Variants in HLCS observed in about 807,000 individuals in gnomAD.
The protein encoded by HLCS is biotin--protein ligase.
In HLCS, 53 loss-of-function variants were observed where a neutral mutation model predicts 75.0. The ratio of observed to expected loss-of-function variants is 0.71; its 90% CI spans 0.57 to 0.89. The LOEUF (loss-of-function observed/expected upper bound fraction) is 0.89, where lower values mean the gene tolerates loss of function less well. Ranked by LOEUF, HLCS falls within the 40% of genes least tolerant of loss-of-function variation. HLCS has a pLI of 0.00. For missense variants in HLCS, 966 were observed against 1,074.0 expected (o/e 0.90, Z 1.41); for synonymous variants, 431 against 428.6 (o/e 1.01, Z -0.07).
chr21:36,803,750 T>C (rs1440355388), intron 6 of HLCS, among the ~76,000 whole-genome samples: 1 of 40,738 alleles, frequency 2.5e-5, no homozygotes, highest in Non-Finnish European at 4.5e-5. Flanking sequence ...TTTGTTTTTT[T>C]ATTGAAAAAA....
intron 6 of HLCS, among the ~76,000 whole-genome samples, chr21:36,793,588 C>T (rs2060938676): frequency 6.6e-6 from 1 of 152,122 alleles, no homozygotes; most frequent in South Asian, 2.1e-4. Flanking sequence ...GTGTGAGCCA[C>T]CGCGCCCAGC....
chr21:36,903,596 A>G (rs569378515), intron 5 of HLCS, among the ~76,000 whole-genome samples: 1 of 152,364 alleles, frequency 6.6e-6, no homozygotes, highest in South Asian at 2.1e-4. Context: ...CCAGGATAAA[A>G]TGAAAAAGAA....
chr21:36,907,395 C>T (rs1002313732), intron 5 of HLCS, among the ~76,000 whole-genome samples: 1 of 152,148 alleles, frequency 6.6e-6, no homozygotes, highest in African/African-American at 2.4e-5. Flanking sequence ...GTAGCCCACA[C>T]CTGTAATCCC....
At chr21:36,864,294 G>A (rs984808419) in intron 6 of HLCS, among the ~76,000 whole-genome samples, 1 of 152,022 alleles carries the variant, frequency 6.6e-6, no homozygotes, top group Non-Finnish European at 1.5e-5. Context: ...CAGCTACTTG[G>A]GAGGCTGAGG....
chr21:36,754,269 G>A lies in HLCS; in HGVS notation c.2599C>T (p.Leu867Phe). ...CATTACCGCCGTTTGGGGAGGATGA[G>A]GTTTCTCAGCATGTCGAAGGAGTTG... ...DGNSFDMLRN[L>F]ILPKRR The change falls in exon 11 of 11, where the codon CTC becomes TTC. Residue 867 changes from leucine to phenylalanine, a missense_variant. Physicochemically the swap from Leu to Phe is conservative, Grantham distance 22. Coordinates refer to ENST00000674895, the MANE Select transcript of HLCS (RefSeq NM_001352514.2). 6.2e-7 allele frequency: 1 copy of A among 1,614,106 alleles called. No individual in the cohort carries two copies. Among genetic ancestry groups the A allele is most frequent in the East Asian group, 2.2e-5 (1 of 44,880 alleles).
chr21:36,987,261 T>A (rs1233311642), intron 1 of HLCS, among the ~76,000 whole-genome samples: 1 of 152,120 alleles, frequency 6.6e-6, no homozygotes, highest in Non-Finnish European at 1.5e-5. Flanking sequence ...CATTGCTACT[T>A]GGGTGGCCCT....
chr21:36,966,723 G>A (rs184468430), upstream of HLCS: 274,235 of 624,758 alleles, frequency 0.44, 62,539 homozygotes, highest in South Asian at 0.55. Context: ...GAAGGGCCGC[G>A]CCGCCCCCCC....
chr21:36,882,783 A>G (rs1018553621), intron 6 of HLCS, among the ~76,000 whole-genome samples: 37 of 151,666 alleles, frequency 2.4e-4, no homozygotes, highest in African/African-American at 7.3e-4. Context: ...TTTGTATTTC[A>G]TTTTTAGGTA....
At chr21:36,882,834 T>G (rs1164034445) in intron 6 of HLCS, among the ~76,000 whole-genome samples, 1 of 152,092 alleles carries the variant, frequency 6.6e-6, no homozygotes, top group African/African-American at 2.4e-5. Context: ...AACTGAAAAC[T>G]CTATTAGCAT....
chr21:36,942,398 C>CAAAAAAAAAAAAAAAAAAA (rs55999516), intron 2 of HLCS, among the ~76,000 whole-genome samples: 1 of 80,974 alleles, frequency 1.2e-5, no homozygotes, highest in Admixed American at 1.3e-4. Flanking sequence ...GACTCCGTCT[C>CAAAAAAAAAAAAAAAAAAA]AAAAAAAAAA....
At chr21:36,800,200 G>A (rs2145915525) in intron 6 of HLCS, among the ~76,000 whole-genome samples, 1 of 152,262 alleles carries the variant, frequency 6.6e-6, no homozygotes. Flanking sequence ...AGAGCCTGAG[G>A]GATGAGGCAC....
chr21:36,779,425 A>G (rs1475860499), intron 6 of HLCS, among the ~76,000 whole-genome samples: 1 of 152,044 alleles, frequency 6.6e-6, no homozygotes, highest in Non-Finnish European at 1.5e-5. Context: ...AGTTCATCAT[A>G]AACTCCAATC....
chr21:36,926,854 T>G (rs560335884), intron 5 of HLCS, among the ~76,000 whole-genome samples: 1 of 150,864 alleles, frequency 6.6e-6, no homozygotes, highest in Admixed American at 6.7e-5. Context: ...GCAATCCTCC[T>G]GCCTCAGCCT....
At position 36,767,267 on chromosome 21, in the gene HLCS, C is replaced by A; in HGVS notation, c.1911G>T (p.Pro637=). The A allele has an allele frequency of 6.2e-7, 1 of 1,614,160 alleles. No individual in the cohort carries two copies. The highest frequency in any genetic ancestry group is 1.1e-5 in the South Asian group (1 of 91,080). Residue 637 remains proline, a synonymous_variant, in exon 7 of 11, where the codon CCG becomes CCT. Coordinates refer to ENST00000674895, the MANE Select transcript of HLCS (RefSeq NM_001352514.2). ...CGATCACTATTAAGCCCATTTCCTG[C>A]GGTGTCTGAAACATCAGCCTGCCGA... The part of the protein sequence containing the change: ...RLLDGLMFQT[P]QEMGLIVIAA...
intron 1 of HLCS, among the ~76,000 whole-genome samples, chr21:36,989,354 G>A (rs77155125): frequency 0.016 from 1,967 of 123,152 alleles, 38 homozygotes; most frequent in East Asian, 0.073. Context: ...GACGGAGTTC[G>A]CTCTTGTCGT....
chr21:36,912,759 C>A (rs551741285), intron 5 of HLCS, among the ~76,000 whole-genome samples: 2 of 151,064 alleles, frequency 1.3e-5, no homozygotes, highest in Non-Finnish European at 1.5e-5. Context: ...CAATTAGCCA[C>A]CCCCCCCAAC....
At chr21:36,861,970 C>T (rs2063396434) in intron 6 of HLCS, among the ~76,000 whole-genome samples, 1 of 152,186 alleles carries the variant, frequency 6.6e-6, no homozygotes, top group Non-Finnish European at 1.5e-5. Context: ...CTGGCAACCA[C>T]TGATCTATTA....
chr21:36,808,886 T>C (rs2061432383), intron 6 of HLCS, among the ~76,000 whole-genome samples: 1 of 152,180 alleles, frequency 6.6e-6, no homozygotes, highest in Non-Finnish European at 1.5e-5. Context: ...TTTATTTCCC[T>C]TCAATCTTAG....
chr21:36,985,300 G>A (rs1056674544), intron 1 of HLCS, among the ~76,000 whole-genome samples: 1 of 152,188 alleles, frequency 6.6e-6, no homozygotes, highest in Non-Finnish European at 1.5e-5. Flanking sequence ...TTTTAATCTG[G>A]AATAGTTCCT....
Sources: allele counts gnomAD v4.1 joint callset (sites outside exome capture counted in the v4.1 genomes callset), GRCh38; gene constraint gnomAD v4.1.1; transcripts MANE v1.5; gene names NCBI Gene and HGNC (gene_info 2026-07-23, HGNC 2026-07-21).